SOX5: variants seen among roughly 807,000 people sequenced by gnomAD.
SOX5 encodes the protein SRY-box transcription factor 5, also known as transcription factor SOX-5.
In SOX5, 9 loss-of-function variants were observed where a neutral mutation model predicts 92.0. That is an observed-to-expected ratio of 0.10 (90% CI 0.06 to 0.17). SOX5 has a LOEUF of 0.17. Ranked by LOEUF, SOX5 falls within the 10% of genes least tolerant of loss-of-function variation. SOX5 has a pLI of 1.00. For synonymous variants in SOX5, 344 were observed against 336.3 expected (o/e 1.02, Z -0.25); for missense variants, 642 against 944.5 (o/e 0.68, Z 4.20).
chr12:24,321,943 T>C (rs1270095928), intron 2 of SOX5, among the ~76,000 whole-genome samples: 1 of 152,160 alleles, frequency 6.6e-6, no homozygotes, highest in Non-Finnish European at 1.5e-5. Context: ...CTTAAAACTG[T>C]CTTTTTTGAA....
chr12:23,593,810 T>C (rs1164396186), intron 9 of SOX5, among the ~76,000 whole-genome samples: 1 of 151,950 alleles, frequency 6.6e-6, no homozygotes, highest in Admixed American at 6.6e-5. Context: ...AGGTGTGACC[T>C]TTAAAAAGCA....
intron 1 of SOX5, chr12:23,920,761 G>A (rs1463108808): frequency 6.6e-6 from 1 of 152,062 alleles, no homozygotes; most frequent in Non-Finnish European, 1.5e-5. Context: ...ATTTTCCATA[G>A]TTACTTAATT....
intron 4 of SOX5, among the ~76,000 whole-genome samples, chr12:24,054,039 A>G (rs1001439671): frequency 1.3e-5 from 2 of 152,204 alleles, no homozygotes; most frequent in African/African-American, 4.8e-5. Flanking sequence ...AATCACTGTC[A>G]TTGTGCGTCA....
intron 6 of SOX5, among the ~76,000 whole-genome samples, chr12:23,730,921 C>T (rs1037029617): frequency 4.6e-5 from 7 of 152,100 alleles, no homozygotes; most frequent in East Asian, 1.9e-4. Context: ...AACATTATGC[C>T]GGGGTGTGTT....
intron 10 of SOX5, among the ~76,000 whole-genome samples, chr12:23,574,980 T>C (rs907884622): frequency 6.6e-6 from 1 of 152,194 alleles, no homozygotes; most frequent in African/African-American, 2.4e-5. Context: ...CATGAGCTCC[T>C]TGAGGGCTGG....
chr12:23,937,513 G>T (rs1942832132), intron 1 of SOX5, among the ~76,000 whole-genome samples: 1 of 150,908 alleles, frequency 6.6e-6, no homozygotes, highest in Non-Finnish European at 1.5e-5. Context: ...AGTGCTTCTG[G>T]ACCATTAACT....
chr12:23,669,083 C>T (rs1183009473), intron 6 of SOX5, among the ~76,000 whole-genome samples: 1 of 152,108 alleles, frequency 6.6e-6, no homozygotes, highest in African/African-American at 2.4e-5. Context: ...GTAGAATATG[C>T]AGTCTGTGGT....
intron 3 of SOX5, among the ~76,000 whole-genome samples, chr12:23,813,866 T>C (rs942036402): frequency 6.6e-6 from 1 of 152,178 alleles, no homozygotes; most frequent in Admixed American, 6.6e-5. Context: ...TTCATACATT[T>C]TTAAGAGTAA....
chr12:24,208,597 T>C (rs1284136464), intron 4 of SOX5, among the ~76,000 whole-genome samples: 1 of 152,236 alleles, frequency 6.6e-6, no homozygotes, highest in Non-Finnish European at 1.5e-5. Context: ...AACTTTCTCT[T>C]TTCTATGAAG....
intron 9 of SOX5, among the ~76,000 whole-genome samples, chr12:23,592,913 T>G (rs896720224): frequency 1.3e-5 from 2 of 151,992 alleles, no homozygotes; most frequent in Non-Finnish European, 1.5e-5. Flanking sequence ...ACCCCATCTC[T>G]ACTAAAAATA....
intron 3 of SOX5, among the ~76,000 whole-genome samples, chr12:24,213,740 A>C (rs1958917651): frequency 6.6e-6 from 1 of 152,028 alleles, no homozygotes; most frequent in African/African-American, 2.4e-5. Flanking sequence ...ATACAGCGAC[A>C]ACTGAAATGT....
At chr12:24,015,997 T>C (rs1306811388) in intron 4 of SOX5, among the ~76,000 whole-genome samples, 3 of 151,096 alleles carry the variant, frequency 2.0e-5, no homozygotes. Flanking sequence ...TTAATAGTAA[T>C]CTCTACCTTA....
chr12:23,719,235 T>C (rs1436480084), intron 6 of SOX5, among the ~76,000 whole-genome samples: 1 of 152,230 alleles, frequency 6.6e-6, no homozygotes, highest in Non-Finnish European at 1.5e-5. Flanking sequence ...CACAGATTTA[T>C]TGGATGAATC....
intron 9 of SOX5, among the ~76,000 whole-genome samples, chr12:23,582,828 T>C (rs577407791): frequency 6.6e-6 from 1 of 152,260 alleles, no homozygotes; most frequent in Non-Finnish European, 1.5e-5. Flanking sequence ...GGGGACATGT[T>C]CTTCAATGTG....
intron 1 of SOX5, among the ~76,000 whole-genome samples, chr12:24,382,892 G>C (rs1957982641): frequency 6.6e-6 from 1 of 152,152 alleles, no homozygotes; most frequent in South Asian, 2.1e-4. Context: ...GGGAGAGCAA[G>C]TCTGAGGGAC....
At chr12:23,804,143 T>C (rs901409566) in intron 3 of SOX5, among the ~76,000 whole-genome samples, 1 of 152,154 alleles carries the variant, frequency 6.6e-6, no homozygotes. Flanking sequence ...ATAAACAAGC[T>C]TCTTAAGCCT....
At chr12:24,193,084 A>G (rs1302172013) in intron 4 of SOX5, among the ~76,000 whole-genome samples, 1 of 152,232 alleles carries the variant, frequency 6.6e-6, no homozygotes, top group Non-Finnish European at 1.5e-5. Context: ...TTAAAAGCAC[A>G]TAACAGCTTA....
chr12:23,567,915 T>C (rs1947424039), intron 10 of SOX5, among the ~76,000 whole-genome samples: 2 of 152,088 alleles, frequency 1.3e-5, no homozygotes, highest in South Asian at 2.1e-4. Context: ...GGAGATAAAC[T>C]CTAAAAGGAA....
At chr12:24,283,772 T>A (rs1438085738) in intron 2 of SOX5, among the ~76,000 whole-genome samples, 1 of 152,208 alleles carries the variant, frequency 6.6e-6, no homozygotes, top group East Asian at 1.9e-4. Flanking sequence ...GTATGTTTTT[T>A]CTTATTATTA....
Sources: allele counts gnomAD v4.1 joint callset (sites outside exome capture counted in the v4.1 genomes callset), GRCh38; gene constraint gnomAD v4.1.1; transcripts MANE v1.5; gene names NCBI Gene and HGNC (gene_info 2026-07-23, HGNC 2026-07-21).